GSG1L: variants seen among roughly 807,000 people sequenced by gnomAD.
GSG1L encodes germ cell-specific gene 1-like protein.
GSG1L carries 24 observed loss-of-function variants against 42.1 expected under a neutral mutation model. That is an observed-to-expected ratio of 0.57 (90% CI 0.41 to 0.80). The LOEUF (loss-of-function observed/expected upper bound fraction) is 0.80, where lower values mean the gene tolerates loss of function less well. GSG1L is among the 30% of genes least tolerant of loss of function. The pLI, the probability that GSG1L is intolerant of heterozygous loss-of-function variation, is 0.00. For synonymous variants in GSG1L, 215 were observed against 203.5 expected, an observed-to-expected ratio of 1.06 and a Z score of -0.48; for missense variants, 445 against 472.2, an observed-to-expected ratio of 0.94 and a Z score of 0.53.
intron 3 of GSG1L, among the ~76,000 whole-genome samples, chr16:27,875,740 G>T (rs1277946748): frequency 1.3e-5 from 2 of 152,132 alleles, no homozygotes; most frequent in African/African-American, 4.8e-5. Flanking sequence ...TTAGAAATGA[G>T]TCTATGACTT....
chr16:28,013,949 G>A (rs947748671), intron 1 of GSG1L, among the ~76,000 whole-genome samples: 4 of 152,214 alleles, frequency 2.6e-5, no homozygotes, highest in Non-Finnish European at 5.9e-5. Context: ...GTGCCCTAGG[G>A]CATACAGAGC....
At chr16:27,808,528 C>T (rs941685105) in intron 5 of GSG1L, among the ~76,000 whole-genome samples, 2 of 151,890 alleles carry the variant, frequency 1.3e-5, no homozygotes. Context: ...AAGCGATTCT[C>T]CTGCCTCAGC....
At chr16:27,955,178 G>T (rs986172123) in intron 2 of GSG1L, among the ~76,000 whole-genome samples, 1 of 152,008 alleles carries the variant, frequency 6.6e-6, no homozygotes, top group African/African-American at 2.4e-5. Flanking sequence ...GACATTAAAG[G>T]GTAGAGAAGC....
chr16:27,930,110 A>G (rs557506752), intron 2 of GSG1L, among the ~76,000 whole-genome samples: 1 of 151,898 alleles, frequency 6.6e-6, no homozygotes, highest in Admixed American at 6.6e-5. Context: ...GGCCTCCTCA[A>G]ATTTTGCATT....
In GSG1L at chr16:28,040,256, G is replaced by A. The variant is rs1266989209; in HGVS notation, c.349+22820C>T. Among the ~76,000 whole-genome samples, 2 of 151,762 alleles carry A rather than the reference G, an allele frequency of 1.3e-5. No homozygotes were observed. The highest frequency in any genetic ancestry group is 2.4e-5 in the African/African-American group (1 of 41,250). On this transcript the variant is annotated intron_variant, in intron 1 of 6. Coordinates refer to ENST00000447459, the MANE Select transcript of GSG1L (RefSeq NM_001109763.2). The surrounding 1 kb of genome is among the most constrained non-coding windows in gnomAD (Gnocchi z 4.1). ...GGCCTTTTCACTTGCGATTGCCTCC[G>A]TCTGAGGCTCTTTCTCCAGATCTCC...
In GSG1L at chr16:27,789,791, G is replaced by C. The variant is rs372782527; in HGVS notation, c.*1579C>G. Reference sequence around the variant, plus strand: ...TGATGAATGGATGGATGAATGGATAGATAATGGATGGACAGATGATGGATG... The same window carrying C: ...TGATGAATGGATGGATGAATGGATACATAATGGATGGACAGATGATGGATG... On this transcript the variant is annotated 3_prime_UTR_variant, in exon 7 of 7. Coordinates refer to ENST00000447459, the MANE Select transcript of GSG1L (RefSeq NM_001109763.2). 4 of 150,818 alleles carry C rather than the reference G, an allele frequency of 2.7e-5. No individual in the cohort carries two copies. The highest frequency in any genetic ancestry group is 2.1e-4 in the South Asian group (1 of 4,728). The allele number at this position is 150,818 out of a possible 1,614,324, so 9.3% of individuals were successfully genotyped here. A position where few individuals can be genotyped will look rare whatever the true frequency, so the allele number is the denominator to read the frequency against.
At chr16:27,952,797 C>G (rs149052632) in intron 2 of GSG1L, among the ~76,000 whole-genome samples, 1 of 152,224 alleles carries the variant, frequency 6.6e-6, no homozygotes, top group African/African-American at 2.4e-5. Context: ...AACACGCACA[C>G]AGAAAACTGC....
At chr16:27,819,770 G>A (rs1314380498) in intron 5 of GSG1L, among the ~76,000 whole-genome samples, 2 of 152,200 alleles carry the variant, frequency 1.3e-5, no homozygotes, top group Non-Finnish European at 2.9e-5. Flanking sequence ...CCACTCCAGT[G>A]TTTTAGGCAG....
At chr16:27,810,879 G>A (rs941431835) in intron 5 of GSG1L, among the ~76,000 whole-genome samples, 1 of 152,040 alleles carries the variant, frequency 6.6e-6, no homozygotes, top group African/African-American at 2.4e-5. Flanking sequence ...TAGAGATGGG[G>A]GTCTCGCCAT....
intron 1 of GSG1L, among the ~76,000 whole-genome samples, chr16:28,054,963 AGCGGTT>A (rs894709766): frequency 2.6e-5 from 4 of 152,246 alleles, no homozygotes; most frequent in African/African-American, 4.8e-5. Context: ...GGAACTACAC[AGCGGTT>A]GCCCAGCCCC....
chr16:27,856,280 C>T (rs948563634), intron 3 of GSG1L, among the ~76,000 whole-genome samples: 4 of 152,116 alleles, frequency 2.6e-5, no homozygotes, highest in African/African-American at 9.7e-5. Context: ...CCATTGAATC[C>T]ACTGTTTTAG....
chr16:27,962,140 C>T (rs2085079487), intron 2 of GSG1L, among the ~76,000 whole-genome samples: 1 of 152,218 alleles, frequency 6.6e-6, no homozygotes, highest in African/African-American at 2.4e-5. Flanking sequence ...CCACACTCCC[C>T]CGTGTCCCTG....
At chr16:28,026,244 G>A (rs775750453) in intron 1 of GSG1L, among the ~76,000 whole-genome samples, 2 of 152,164 alleles carry the variant, frequency 1.3e-5, no homozygotes, top group African/African-American at 2.4e-5. Context: ...GGTATATCAC[G>A]GGAGCTCAGT....
chr16:27,962,457 G>C (rs925671793), intron 2 of GSG1L, among the ~76,000 whole-genome samples: 6 of 152,232 alleles, frequency 3.9e-5, no homozygotes, highest in Admixed American at 3.3e-4. Flanking sequence ...AGAGTGGCAG[G>C]GGCCAGGATC....
At chr16:27,936,637 T>C (rs1367708991) in intron 2 of GSG1L, among the ~76,000 whole-genome samples, 1 of 152,158 alleles carries the variant, frequency 6.6e-6, no homozygotes. Flanking sequence ...GACACAGGTA[T>C]TCCTTTACAG....
At chr16:27,888,163 C>T in intron 2 of GSG1L, 1 of 984,686 alleles carries the variant, frequency 1.0e-6, no homozygotes, top group Non-Finnish European at 1.2e-6. Flanking sequence ...CTGCCTCCCC[C>T]ACGCAGCCCC....
intron 2 of GSG1L, chr16:27,888,255 G>T: frequency 3.6e-6 from 1 of 280,732 alleles, no homozygotes; most frequent in Non-Finnish European, 5.4e-6. Context: ...TCACAGCAGG[G>T]CCCAGCTCTG....
At chr16:27,944,585 G>A (rs1190031315) in intron 2 of GSG1L, among the ~76,000 whole-genome samples, 2 of 149,600 alleles carry the variant, frequency 1.3e-5, no homozygotes, top group African/African-American at 5.0e-5. Flanking sequence ...TCACGCCACT[G>A]CACTCCAGCC....
intron 2 of GSG1L, among the ~76,000 whole-genome samples, chr16:27,902,249 G>A (rs1184183734): frequency 1.3e-5 from 2 of 152,198 alleles, no homozygotes; most frequent in South Asian, 2.1e-4. Flanking sequence ...AAAGGAGATG[G>A]CCAGAGTTGT....
Sources: gnomAD v4.1 joint callset for allele counts (sites outside exome capture counted in the v4.1 genomes callset) on GRCh38, gnomAD v4.1.1 for gene constraint, Gnocchi (gnomAD v3.1) non-coding constraint, MANE v1.5 for transcripts, NCBI Gene and HGNC (gene_info 2026-07-23, HGNC 2026-07-21) for gene names.